Variants in FSTL4 observed in about 807,000 individuals in gnomAD.
FSTL4 encodes the protein follistatin-related protein 4.
A neutral mutation model predicts 78.2 loss-of-function variants in FSTL4; 28 were observed. That is an observed-to-expected ratio of 0.36 (90% CI 0.27 to 0.49). FSTL4 has a LOEUF of 0.49. Among genes scored for constraint, FSTL4 ranks in the 20% least tolerant of loss-of-function variants. FSTL4 has a pLI of 0.98. For synonymous variants in FSTL4, 422 were observed against 440.5 expected (o/e 0.96, Z 0.53); for missense variants, 922 against 1,084.9 (o/e 0.85, Z 2.11).
chr5:133,812,155 T>G, the FSTL4 span, among the ~76,000 whole-genome samples: 32 of 152,164 alleles, frequency 2.1e-4, no homozygotes, highest in Admixed American at 5.9e-4. Context: ...AAAATAAATC[T>G]TGAATTCAAC....
chr5:133,712,118 A>C, the FSTL4 span, among the ~76,000 whole-genome samples: 1 of 152,194 alleles, frequency 6.6e-6, no homozygotes, highest in African/African-American at 2.4e-5. Context: ...TCCTATTCGG[A>C]GCAGGCAGTT....
chr5:133,534,989 A>G (rs1011332663), intron 3 of FSTL4, among the ~76,000 whole-genome samples: 68 of 152,198 alleles, frequency 4.5e-4, no homozygotes, highest in African/African-American at 1.6e-3. Flanking sequence ...CTAATCCCCA[A>G]TGTGACTATA....
chr5:133,674,578 C>T, the FSTL4 span, among the ~76,000 whole-genome samples: 6 of 146,058 alleles, frequency 4.1e-5, no homozygotes, highest in African/African-American at 1.5e-4. Flanking sequence ...ACCAAGGAGA[C>T]TTCCATATGT....
chr5:133,499,583 T>G (rs1033510198), intron 3 of FSTL4, among the ~76,000 whole-genome samples: 2 of 152,172 alleles, frequency 1.3e-5, no homozygotes, highest in Non-Finnish European at 2.9e-5. Context: ...AGCTGAAATG[T>G]GCTGTTCATA....
chr5:133,700,970 T>C, the FSTL4 span, among the ~76,000 whole-genome samples: 1 of 152,332 alleles, frequency 6.6e-6, no homozygotes, highest in Non-Finnish European at 1.5e-5. Flanking sequence ...CGGGCCTCTC[T>C]CTGCTCATTC....
At chr5:133,324,281 G>C (rs1383669661) in intron 4 of FSTL4, among the ~76,000 whole-genome samples, 1 of 152,188 alleles carries the variant, frequency 6.6e-6, no homozygotes, top group Non-Finnish European at 1.5e-5. Context: ...TGTAATGTGG[G>C]CAATGTGGAA....
intron 2 of FSTL4, among the ~76,000 whole-genome samples, chr5:133,589,276 T>G: frequency 1.2e-5 from 1 of 81,068 alleles, no homozygotes; most frequent in South Asian, 5.3e-4. Flanking sequence ...CCCTAAAACT[T>G]AGAGTATAAT....
the FSTL4 span, among the ~76,000 whole-genome samples, chr5:133,716,674 T>G: frequency 3.9e-5 from 6 of 152,206 alleles, no homozygotes; most frequent in East Asian, 7.7e-4. Flanking sequence ...TTACTTGAAT[T>G]CTGACGTCAT....
chr5:133,553,233 G>A (rs1001622423), intron 3 of FSTL4, among the ~76,000 whole-genome samples: 7 of 152,142 alleles, frequency 4.6e-5, no homozygotes, highest in African/African-American at 9.7e-5. Flanking sequence ...CCTCTTTTCC[G>A]AGGCATGGCA....
At chr5:133,827,397 T>A in the FSTL4 span, among the ~76,000 whole-genome samples, 1 of 152,050 alleles carries the variant, frequency 6.6e-6, no homozygotes, top group Non-Finnish European at 1.5e-5. Flanking sequence ...GAATATTGAC[T>A]AAGGAGTGTC....
intron 4 of FSTL4, among the ~76,000 whole-genome samples, chr5:133,382,400 T>A (rs920885310): frequency 6.6e-6 from 1 of 152,222 alleles, no homozygotes; most frequent in African/African-American, 2.4e-5. Context: ...TTTACGTGGG[T>A]AATAATTTCC....
chr5:133,607,812 T>A (rs980156167), intron 1 of FSTL4, among the ~76,000 whole-genome samples: 3 of 149,204 alleles, frequency 2.0e-5, no homozygotes, highest in Admixed American at 2.0e-4. Context: ...CACCCTTAAT[T>A]CCCACATTCT....
Position 133,283,731 on chromosome 5 carries a change from TG to T in FSTL4, c.727+28922del, listed in dbSNP as rs1438524859. On this transcript the variant is annotated intron_variant, in intron 6 of 15. Transcript: ENST00000265342. ...CTGTTGGCTCACAGCACTGCATGGG[TG>T]TAGGGCAATATATTGGTCTGTTCTC... Among the ~76,000 whole-genome samples the T allele has an allele frequency of 2.0e-5, 3 of 151,862 alleles. No homozygotes were observed. The East Asian group carries it at 5.8e-4, about 29-fold the overall frequency.
chr5:133,699,412 G>A, the FSTL4 span, among the ~76,000 whole-genome samples: 1 of 152,008 alleles, frequency 6.6e-6, no homozygotes, highest in South Asian at 2.1e-4. Flanking sequence ...TCAGAAATGA[G>A]TACTTACTAC....
intron 3 of FSTL4, among the ~76,000 whole-genome samples, chr5:133,423,178 C>T (rs970976128): frequency 1.3e-5 from 2 of 152,260 alleles, no homozygotes; most frequent in African/African-American, 2.4e-5. Context: ...TTGGACTGCA[C>T]GAATGAATGG....
Position 133,542,074 on chromosome 5 carries a change from G to A in FSTL4, c.160+25112C>T, listed in dbSNP as rs147239766. On this transcript the variant is annotated intron_variant, in intron 3 of 15. Coordinates refer to ENST00000265342, the MANE Select transcript of FSTL4 (RefSeq NM_015082.2). ...TTCCTAACAGTGAAAAACCTTGCTC[G>A]CATTATATACTAAATACATTTATTA... Among the ~76,000 whole-genome samples, 184 of 151,976 alleles carry A rather than the reference G, an allele frequency of 1.2e-3. 2 individuals carry two copies. The highest frequency in any genetic ancestry group is 4.3e-3 in the African/African-American group (179 of 41,418).
chr5:133,662,495 G>T, the FSTL4 span, among the ~76,000 whole-genome samples: 14,338 of 152,206 alleles, frequency 0.094, 815 homozygotes, highest in South Asian at 0.17. Context: ...CACCGTGGAG[G>T]GAGGAGGGAA....
the FSTL4 span, among the ~76,000 whole-genome samples, chr5:133,715,370 G>A: frequency 6.6e-6 from 1 of 152,222 alleles, no homozygotes; most frequent in African/African-American, 2.4e-5. Flanking sequence ...TCATGTTGAT[G>A]TCAAGAATTT....
At chr5:133,299,216 A>G (rs1318058205) in intron 6 of FSTL4, among the ~76,000 whole-genome samples, 1 of 152,120 alleles carries the variant, frequency 6.6e-6, no homozygotes, top group Non-Finnish European at 1.5e-5. Flanking sequence ...GTCCGGCAAG[A>G]TCAATTACCT....
Sources: allele counts gnomAD v4.1 joint callset (sites outside exome capture counted in the v4.1 genomes callset), GRCh38; gene constraint gnomAD v4.1.1; transcripts MANE v1.5; gene names NCBI Gene and HGNC (gene_info 2026-07-23, HGNC 2026-07-21).